MTAP: variants seen among roughly 807,000 people sequenced by gnomAD.
MTAP encodes S-methyl-5'-thioadenosine phosphorylase.
A neutral mutation model predicts 33.6 loss-of-function variants in MTAP; 33 were observed. That is an observed-to-expected ratio of 0.98 (90% CI 0.74 to 1.31). The LOEUF (loss-of-function observed/expected upper bound fraction) is 1.31, where lower values mean the gene tolerates loss of function less well. MTAP is among the 40% of genes most tolerant of loss of function. The pLI is 0.00. For missense variants in MTAP, 367 were observed against 360.0 expected (o/e 1.02, Z -0.16); for synonymous variants, 148 against 125.7 (o/e 1.18, Z -1.19).
chr9:21,840,266 T>C (rs967364916), intron 5 of MTAP, among the ~76,000 whole-genome samples: 1 of 151,102 alleles, frequency 6.6e-6, no homozygotes, highest in Admixed American at 6.6e-5. Flanking sequence ...ACGTGCAGCT[T>C]CCACAAGGAC....
chr9:21,836,191 G>A (rs989132056), intron 4 of MTAP, among the ~76,000 whole-genome samples: 13 of 152,070 alleles, frequency 8.5e-5, no homozygotes, highest in African/African-American at 4.8e-5. Flanking sequence ...TTTATGATTG[G>A]AAAATGAAGA....
intron 1 of MTAP, 146 bp from the exon 2 acceptor site, chr9:21,815,286 GA>G: frequency 1.8e-6 from 1 of 556,410 alleles, no homozygotes; most frequent in Non-Finnish European, 3.2e-6. Flanking sequence ...TTTGTTGATT[GA>G]TGTTCAGTAA....
In MTAP at chr9:21,852,882, T is replaced by C. The variant is rs145828787; in HGVS notation, c.451-1749T>C. Among the ~76,000 whole-genome samples, 383 of 152,278 alleles carry C rather than the reference T, an allele frequency of 2.5e-3. 1 individual carries two copies. Among genetic ancestry groups the C allele is most frequent in the African/African-American group, 8.4e-3 (347 of 41,552 alleles). ...ACATTAAATCTGTTTAGGCTGGTGA[T>C]CTAATATTGCTAGTTCCTTGGTGAG... On this transcript the variant is annotated intron_variant, in intron 5 of 7. Transcript: ENST00000644715.
chr9:21,852,863 A>T (rs1825550659), intron 5 of MTAP, among the ~76,000 whole-genome samples: 1 of 152,134 alleles, frequency 6.6e-6, no homozygotes, highest in Non-Finnish European at 1.5e-5. Context: ...CCTGACATTA[A>T]ATCTGTTTAG....
At chr9:21,838,086 G>C in intron 5 of MTAP, 76 bp downstream of exon 5, 1 of 1,249,962 alleles carries the variant, frequency 8.0e-7, no homozygotes, top group Non-Finnish European at 1.2e-6. Context: ...TGGTTAATTG[G>C]CAGAGCGAGT....
intron 1 of MTAP, among the ~76,000 whole-genome samples, chr9:21,905,983 C>T (rs1818471072): frequency 6.6e-6 from 1 of 152,124 alleles, no homozygotes; most frequent in Non-Finnish European, 1.5e-5. Context: ...GGTATGAGTA[C>T]CTTCAAGCTG....
At chr9:21,882,567 A>G (rs182910642) in intron 1 of MTAP, among the ~76,000 whole-genome samples, 1 of 152,026 alleles carries the variant, frequency 6.6e-6, no homozygotes, top group Admixed American at 6.6e-5. Flanking sequence ...CTCTCTTACA[A>G]ATTGATGTGT....
At chr9:21,815,201 C>A (rs1176023308) in intron 1 of MTAP, among the ~76,000 whole-genome samples, 1 of 152,104 alleles carries the variant, frequency 6.6e-6, no homozygotes, top group Non-Finnish European at 1.5e-5. Context: ...CAAAAAGGTG[C>A]CCTACGTTTT....
At chr9:21,843,771 C>T (rs1314827566) in intron 5 of MTAP, among the ~76,000 whole-genome samples, 1 of 152,138 alleles carries the variant, frequency 6.6e-6, no homozygotes, top group Admixed American at 6.5e-5. Flanking sequence ...AAGTTCATAG[C>T]ATTAAATTCC....
intron 1 of MTAP, among the ~76,000 whole-genome samples, chr9:21,806,423 G>T (rs919662499): frequency 1.1e-4 from 16 of 152,124 alleles, no homozygotes; most frequent in African/African-American, 3.6e-4. Context: ...ACTCCTTGGA[G>T]CCAAGGAGGG....
At chr9:21,891,732 C>G (rs956102364) in intron 1 of MTAP, among the ~76,000 whole-genome samples, 2 of 152,102 alleles carry the variant, frequency 1.3e-5, no homozygotes, top group Non-Finnish European at 1.5e-5. Flanking sequence ...GTTTCCCCAG[C>G]CTTGCTAGAG....
At chr9:21,824,990 G>A (rs1441178551) in intron 4 of MTAP, among the ~76,000 whole-genome samples, 1 of 152,126 alleles carries the variant, frequency 6.6e-6, no homozygotes, top group African/African-American at 2.4e-5. Flanking sequence ...TTTTCCAGGT[G>A]CCGTCTGTCA....
At chr9:21,841,216 A>G (rs149177702) in intron 5 of MTAP, among the ~76,000 whole-genome samples, 21 of 152,228 alleles carry the variant, frequency 1.4e-4, no homozygotes, top group African/African-American at 5.1e-4. Flanking sequence ...TGCCTGGGAA[A>G]CCAAAATAGT....
intron 1 of MTAP, chr9:21,811,484 G>C (rs996722762): frequency 6.5e-5 from 14 of 214,648 alleles, no homozygotes; most frequent in Non-Finnish European, 1.1e-4. Context: ...CTTTCTTTGG[G>C]GTGTCTTTAG....
At chr9:21,803,577 G>C (rs1163454531) in intron 1 of MTAP, among the ~76,000 whole-genome samples, 1 of 152,138 alleles carries the variant, frequency 6.6e-6, no homozygotes, top group Non-Finnish European at 1.5e-5. Context: ...GCTGAGGAGG[G>C]CACGAGTTCT....
chr9:21,844,868 A>G lies in MTAP; in HGVS notation c.450+6858A>G, dbSNP rs1825339277. Among the ~76,000 whole-genome samples, 3 of 152,136 alleles carry G rather than the reference A, an allele frequency of 2.0e-5. No homozygotes were observed. In the South Asian group the frequency reaches 6.2e-4, roughly 32 times the overall value. On this transcript the variant is annotated intron_variant, in intron 5 of 7. Transcript: ENST00000644715. ...AACACGGTGAAACCCCATCTCTACT[A>G]AAAATACAAAAAAATTAGCCGGGCA... is the stretch of plus-strand genomic sequence containing the variant.
At chr9:21,848,792 G>C (rs1258772853) in intron 5 of MTAP, among the ~76,000 whole-genome samples, 1 of 152,170 alleles carries the variant, frequency 6.6e-6, no homozygotes, top group Non-Finnish European at 1.5e-5. Flanking sequence ...AGATCTAACT[G>C]TGGGAACCGC....
At chr9:21,929,928 A>T in intron 1 of MTAP, 1 of 414,006 alleles carries the variant, frequency 2.4e-6, no homozygotes, top group Non-Finnish European at 4.8e-6. Context: ...CAACAGACTG[A>T]TGGAACATAC....
At chr9:21,818,766 C>G (rs370880307) in intron 4 of MTAP, among the ~76,000 whole-genome samples, 2 of 152,226 alleles carry the variant, frequency 1.3e-5, no homozygotes, top group East Asian at 1.9e-4. Flanking sequence ...TATTACCCCA[C>G]ATATCATCTT....
Sources: gnomAD v4.1 joint callset for allele counts (sites outside exome capture counted in the v4.1 genomes callset) on GRCh38, gnomAD v4.1.1 for gene constraint, MANE v1.5 for transcripts, NCBI Gene and HGNC (gene_info 2026-07-23, HGNC 2026-07-21) for gene names.